RGS12: variants seen among roughly 807,000 people sequenced by gnomAD.
The protein encoded by RGS12 is regulator of G protein signaling 12.
In RGS12, 66 loss-of-function variants were observed where a neutral mutation model predicts 120.1. The observed-to-expected ratio is 0.55, with a 90% CI of 0.45 to 0.67. The LOEUF is 0.67. RGS12 is among the 30% of genes least tolerant of loss of function. The pLI, the probability that RGS12 is intolerant of heterozygous loss-of-function variation, is 0.00. For missense variants in RGS12, 1,859 were observed against 1,957.7 expected, an observed-to-expected ratio of 0.95 and a Z score of 0.95; for synonymous variants, 827 against 804.7, an observed-to-expected ratio of 1.03 and a Z score of -0.47.
intron 1 of RGS12, among the ~76,000 whole-genome samples, chr4:3,312,302 A>G (rs1724449788): frequency 6.6e-6 from 1 of 152,168 alleles, no homozygotes; most frequent in Non-Finnish European, 1.5e-5. Flanking sequence ...AGGTGGGAGG[A>G]TTGCTTGAGG....
intron 1 of RGS12, among the ~76,000 whole-genome samples, chr4:3,296,379 G>A (rs1230331245): frequency 6.6e-6 from 1 of 151,062 alleles, no homozygotes; most frequent in Non-Finnish European, 1.5e-5. Flanking sequence ...TGGTAGAGAT[G>A]GGGTCTCACT....
At chr4:3,407,211 C>T (rs886441536) in intron 4 of RGS12, 2 of 152,212 alleles carry the variant, frequency 1.3e-5, no homozygotes, top group African/African-American at 2.4e-5. Context: ...GTGCTCGGCC[C>T]GCCTTCAATA....
chr4:3,395,938 G>T (rs1017852122), intron 4 of RGS12, among the ~76,000 whole-genome samples: 1 of 152,092 alleles, frequency 6.6e-6, no homozygotes, highest in Admixed American at 6.5e-5. Flanking sequence ...ATGGTGTAGC[G>T]TTTGCATATA....
intron 3 of RGS12, among the ~76,000 whole-genome samples, chr4:3,348,970 A>G (rs922857222): frequency 2.0e-5 from 3 of 152,228 alleles, no homozygotes; most frequent in Admixed American, 2.0e-4. Flanking sequence ...TACGAGGGAA[A>G]TTAGATGGAG....
chr4:3,287,160 C>T, the RGS12 span, among the ~76,000 whole-genome samples: 4 of 152,214 alleles, frequency 2.6e-5, no homozygotes, highest in African/African-American at 4.8e-5. Context: ...GCCCAGGCCC[C>T]GACGCTGTGC....
At chr4:3,289,671 GAT>G (rs1722972020), upstream of RGS12, among the ~76,000 whole-genome samples, 1 of 152,078 alleles carries the variant, frequency 6.6e-6, no homozygotes, top group African/African-American at 2.4e-5. Flanking sequence ...CATTTTTTGT[GAT>G]GAGTACATTT....
At chr4:3,377,461 C>A (rs78207626) in intron 3 of RGS12, among the ~76,000 whole-genome samples, 1 of 151,968 alleles carries the variant, frequency 6.6e-6, no homozygotes, top group Non-Finnish European at 1.5e-5. Flanking sequence ...GCCTTTGGTC[C>A]GTTTTTTTAG....
At chr4:3,286,036 C>T in the RGS12 span, among the ~76,000 whole-genome samples, 5 of 152,374 alleles carry the variant, frequency 3.3e-5, no homozygotes, top group Middle Eastern at 6.8e-3. Context: ...ACCAAAAGAA[C>T]GGAGCCCAGG....
chr4:3,312,294 G>A (rs912943374), intron 1 of RGS12, among the ~76,000 whole-genome samples: 6 of 152,212 alleles, frequency 3.9e-5, no homozygotes, highest in African/African-American at 1.2e-4. Context: ...GGAGGCCAAG[G>A]TGGGAGGATT....
At chr4:3,362,880 T>TGA (rs1491015870) in intron 3 of RGS12, among the ~76,000 whole-genome samples, 2 of 146,770 alleles carry the variant, frequency 1.4e-5, no homozygotes, top group African/African-American at 5.1e-5. Context: ...TGTGTGTGTG[T>TGA]GAGAGCATGT....
Position 3,389,534 on chromosome 4 carries a change from G to C in RGS12, c.2020+3097G>C, listed in dbSNP as rs1719242263. 6.6e-6 allele frequency among the ~76,000 whole-genome samples: 1 copy of C among 152,172 alleles called. No homozygotes were observed. The highest frequency in any genetic ancestry group is 1.5e-5 in the Non-Finnish European group (1 of 68,038). The stretch of plus-strand genomic sequence containing the variant: ...CTCTCCTGGTCTGGCTCTGCACAGA[G>C]CTGGAGCCGCGGCCGCACAGAAGCC... On this transcript the variant is annotated intron_variant, in intron 4 of 17. Coordinates refer to ENST00000336727, the MANE Select transcript of RGS12 (RefSeq NM_001394154.1). This position sits in a 1 kb window ranked among gnomAD's most constrained non-coding sequence, Gnocchi z 5.2.
At chr4:3,417,566 TG>T in intron 9 of RGS12, 25 bp downstream of exon 9, 2 of 1,609,434 alleles carry the variant, frequency 1.2e-6, no homozygotes. Context: ...TCCTGGGCTG[TG>T]GTGTCCAGGC....
At chr4:3,305,910 C>T (rs143820893) in intron 1 of RGS12, among the ~76,000 whole-genome samples, 2 of 152,362 alleles carry the variant, frequency 1.3e-5, no homozygotes, top group African/African-American at 2.4e-5. Flanking sequence ...GATAGGATTT[C>T]CGGGTCCAGC....
At chr4:3,391,632 G>C (rs932350537) in intron 4 of RGS12, among the ~76,000 whole-genome samples, 1 of 152,208 alleles carries the variant, frequency 6.6e-6, no homozygotes, top group Non-Finnish European at 1.5e-5. Context: ...TAAAACAAAC[G>C]AAGAACTCCT....
intron 16 of RGS12, among the ~76,000 whole-genome samples, chr4:3,428,998 C>G (rs1023436178): frequency 6.6e-6 from 1 of 152,258 alleles, no homozygotes. Context: ...CTGCCTCCCT[C>G]TCACCCCAGC....
intron 2 of RGS12, among the ~76,000 whole-genome samples, chr4:3,325,263 A>C (rs112098476): frequency 0.02 from 2,976 of 152,336 alleles, 84 homozygotes; most frequent in African/African-American, 0.057. Flanking sequence ...AAAATCAATT[A>C]GTAAATTTGG....
At chr4:3,420,608 G>A in intron 9 of RGS12, 34 bp from the exon 10 acceptor site, 1 of 1,606,296 alleles carries the variant, frequency 6.2e-7, no homozygotes, top group Non-Finnish European at 8.5e-7. Context: ...ACAGGGTTCT[G>A]ATTGACGTGA....
chr4:3,417,118 G>A (rs1312483253), intron 8 of RGS12, 26 bp downstream of exon 8: 12 of 1,565,892 alleles, frequency 7.7e-6, no homozygotes, highest in Non-Finnish European at 1.0e-5. Flanking sequence ...CTGGCCTCAC[G>A]CCCCTGTGGG....
intron 3 of RGS12, among the ~76,000 whole-genome samples, chr4:3,377,162 A>AGG (rs1450990062): frequency 2.6e-5 from 4 of 152,010 alleles, no homozygotes; most frequent in Non-Finnish European, 5.9e-5. Flanking sequence ...CCAGCTACTT[A>AGG]GGGGGCTCAA....
Sources: gnomAD v4.1 joint callset for allele counts (sites outside exome capture counted in the v4.1 genomes callset) on GRCh38, gnomAD v4.1.1 for gene constraint, Gnocchi (gnomAD v3.1) non-coding constraint, MANE v1.5 for transcripts, NCBI Gene and HGNC (gene_info 2026-07-23, HGNC 2026-07-21) for gene names.